The following PTPRD variants were observed in gnomAD, a reference collection of about 807,000 sequenced individuals.
PTPRD encodes the protein receptor-type tyrosine-protein phosphatase delta.
PTPRD carries 34 observed loss-of-function variants against 214.5 expected under a neutral mutation model. The ratio of observed to expected loss-of-function variants is 0.16; its 90% CI spans 0.12 to 0.21. The LOEUF (loss-of-function observed/expected upper bound fraction) is 0.21, where lower values mean the gene tolerates loss of function less well. Among genes scored for constraint, PTPRD ranks in the 10% least tolerant of loss-of-function variants. The pLI is 1.00. For missense variants in PTPRD, 2,545 were observed against 2,398.7 expected (o/e 1.06, Z -1.27); for synonymous variants, 1,128 against 845.7 (o/e 1.33, Z -5.79).
chr9:9,776,520 T>A (rs547457372), intron 5 of PTPRD, among the ~76,000 whole-genome samples: 1 of 152,326 alleles, frequency 6.6e-6, no homozygotes, highest in African/African-American at 2.4e-5. Context: ...AGAAAACATC[T>A]GTTGAATGGA....
At chr9:8,952,008 A>AAT (rs1372207144) in intron 11 of PTPRD, among the ~76,000 whole-genome samples, 4 of 151,958 alleles carry the variant, frequency 2.6e-5, no homozygotes, top group Non-Finnish European at 5.9e-5. Flanking sequence ...GAATATACAT[A>AAT]ATATATATAC....
chr9:9,895,347 G>C lies in PTPRD; in HGVS notation c.-368+43160C>G, dbSNP rs935604119. On this transcript the variant is annotated intron_variant, in intron 5 of 45. Coordinates refer to ENST00000381196, the MANE Select transcript of PTPRD (RefSeq NM_002839.4). Reference sequence around the variant, plus strand: ...ATTCTACCAAGGACTTTTAAATTGGGAGGAAAGAGATGGAGATAAGCCATG... The same window carrying C: ...ATTCTACCAAGGACTTTTAAATTGGCAGGAAAGAGATGGAGATAAGCCATG... Among the ~76,000 whole-genome samples, 3 of 149,320 alleles carry C rather than the reference G, an allele frequency of 2.0e-5. 1 individual carries two copies. The highest frequency in any genetic ancestry group is 2.0e-4 in the Admixed American group (3 of 15,062).
chr9:8,651,805 T>C (rs994667320), intron 12 of PTPRD, among the ~76,000 whole-genome samples: 1 of 151,906 alleles, frequency 6.6e-6, no homozygotes, highest in Non-Finnish European at 1.5e-5. Flanking sequence ...TTTGTGAACA[T>C]GAATATGCAT....
At position 8,786,672 on chromosome 9, in the gene PTPRD, C is replaced by T. The variant is rs530621554; in HGVS notation, c.-103-52726G>A. On this transcript the variant is annotated intron_variant, in intron 11 of 45. Transcript: ENST00000381196. Reference sequence around the variant, plus strand: ...TCAGGTGATCCACCCGCCTCGGCATCCTAAAGTGCTGGGATTACAGGCATG... The same window carrying T: ...TCAGGTGATCCACCCGCCTCGGCATTCTAAAGTGCTGGGATTACAGGCATG... Among the ~76,000 whole-genome samples, 12 of 151,584 alleles carry T rather than the reference C, an allele frequency of 7.9e-5. No individual in the cohort carries two copies. In the East Asian group the frequency reaches 2.3e-3, roughly 30 times the overall value.
intron 14 of PTPRD, among the ~76,000 whole-genome samples, chr9:8,581,376 T>A (rs1435879863): frequency 6.6e-6 from 1 of 152,066 alleles, no homozygotes; most frequent in African/African-American, 2.4e-5. Context: ...TTGAACACAG[T>A]AATTAAAATC....
intron 10 of PTPRD, chr9:9,090,761 A>G: frequency 1.6e-6 from 1 of 634,702 alleles, no homozygotes; most frequent in Admixed American, 2.5e-5. Context: ...CAGTGATTTC[A>G]AGTTGCATCC....
At chr9:9,111,658 G>T (rs1387563415) in intron 10 of PTPRD, among the ~76,000 whole-genome samples, 1 of 152,090 alleles carries the variant, frequency 6.6e-6, no homozygotes, top group Non-Finnish European at 1.5e-5. Flanking sequence ...AGGGTCTGTG[G>T]CCTTTTGCTC....
At chr9:9,664,814 A>G (rs543050677) in intron 7 of PTPRD, among the ~76,000 whole-genome samples, 2 of 151,800 alleles carry the variant, frequency 1.3e-5, no homozygotes, top group Admixed American at 1.3e-4. Flanking sequence ...TTAATGAGAA[A>G]GCCTCTATCC....
intron 12 of PTPRD, among the ~76,000 whole-genome samples, chr9:8,682,445 C>A (rs991771854): frequency 2.1e-5 from 3 of 143,872 alleles, no homozygotes; most frequent in Admixed American, 1.4e-4. Context: ...CACACGTACC[C>A]CCAAAATATG....
intron 35 of PTPRD, among the ~76,000 whole-genome samples, chr9:8,435,698 A>AAG (rs2095314927): frequency 9.4e-6 from 1 of 106,792 alleles, no homozygotes; most frequent in Non-Finnish European, 2.0e-5. Context: ...ACAATATCCA[A>AAG]ATACACACAC....
intron 9 of PTPRD, among the ~76,000 whole-genome samples, chr9:9,243,897 T>G (rs1243916982): frequency 6.6e-6 from 1 of 152,144 alleles, no homozygotes; most frequent in African/African-American, 2.4e-5. Context: ...AACCCCATCA[T>G]CTCAGCCCAT....
intron 3 of PTPRD, among the ~76,000 whole-genome samples, chr9:10,207,448 A>T (rs1276633485): frequency 6.6e-6 from 1 of 152,018 alleles, no homozygotes; most frequent in East Asian, 1.9e-4. Context: ...CATAAAAATA[A>T]CTAGAAAGGG....
intron 4 of PTPRD, among the ~76,000 whole-genome samples, chr9:9,954,695 C>G (rs1051186143): frequency 3.3e-5 from 5 of 152,004 alleles, no homozygotes; most frequent in Non-Finnish European, 7.4e-5. Context: ...ATCCTCCCTC[C>G]CATCTGAAAC....
chr9:8,481,612 T>C (rs1209705895), intron 30 of PTPRD, among the ~76,000 whole-genome samples: 1 of 152,186 alleles, frequency 6.6e-6, no homozygotes, highest in Non-Finnish European at 1.5e-5. Flanking sequence ...GTTAGATTTC[T>C]AATAATCCCT....
chr9:9,241,066 A>AT (rs1319771067), intron 9 of PTPRD, among the ~76,000 whole-genome samples: 1 of 152,122 alleles, frequency 6.6e-6, no homozygotes, highest in African/African-American at 2.4e-5. Context: ...GAACTGAGTG[A>AT]TTTTGTGAAC....
In PTPRD at chr9:9,759,258, C is replaced by T. The variant is rs534916951; in HGVS notation, c.-326+7552G>A. 2.6e-5 allele frequency among the ~76,000 whole-genome samples: 4 copies of T among 152,210 alleles called. No homozygotes were observed. The South Asian group carries it at 6.2e-4, about 24-fold the overall frequency. On this transcript the variant is annotated intron_variant, in intron 6 of 45. Coordinates refer to ENST00000381196, the MANE Select transcript of PTPRD (RefSeq NM_002839.4). ...AGTCAGTCTGTACTGGTAATGATTA[C>T]ATTGGTTATTAAAATATTAAACTAC...
At chr9:10,345,534 T>A (rs1057298511) in intron 2 of PTPRD, among the ~76,000 whole-genome samples, 1 of 152,092 alleles carries the variant, frequency 6.6e-6, no homozygotes, top group Non-Finnish European at 1.5e-5. Context: ...TCTGTTCTTA[T>A]GTTAGTTTGC....
intron 12 of PTPRD, among the ~76,000 whole-genome samples, chr9:8,648,722 G>A (rs2096745528): frequency 6.6e-6 from 1 of 152,166 alleles, no homozygotes; most frequent in South Asian, 2.1e-4. Flanking sequence ...AGAGATGTAG[G>A]CAAATGACAC....
intron 4 of PTPRD, among the ~76,000 whole-genome samples, chr9:9,961,173 A>G (rs2094338149): frequency 6.6e-6 from 1 of 152,134 alleles, no homozygotes; most frequent in Admixed American, 6.6e-5. Flanking sequence ...TAAAATTTGT[A>G]TATATAAATA....
Sources: allele counts gnomAD v4.1 joint callset (sites outside exome capture counted in the v4.1 genomes callset), GRCh38; gene constraint gnomAD v4.1.1; transcripts MANE v1.5; gene names NCBI Gene and HGNC (gene_info 2026-07-23, HGNC 2026-07-21).